Variants in IFT140 observed in about 807,000 individuals in gnomAD.
IFT140 encodes the protein intraflagellar transport protein 140 homolog.
Under a neutral mutation model 164.6 loss-of-function variants are expected in IFT140, and 133 were observed. That is an observed-to-expected ratio of 0.81 (90% CI 0.70 to 0.93). The LOEUF is 0.93. Ranked by LOEUF, IFT140 falls within the 40% of genes least tolerant of loss-of-function variation. The pLI, the probability that IFT140 is intolerant of heterozygous loss-of-function variation, is 0.00. For synonymous variants in IFT140, 860 were observed against 817.3 expected, an observed-to-expected ratio of 1.05 and a Z score of -0.89; for missense variants, 2,045 against 1,972.3, an observed-to-expected ratio of 1.04 and a Z score of -0.70.
At chr16:1,536,283 G>A (rs543852482) in intron 19 of IFT140, among the ~76,000 whole-genome samples, 36 of 152,242 alleles carry the variant, frequency 2.4e-4, no homozygotes, top group Admixed American at 6.5e-4. Context: ...CCTCTGGCAC[G>A]ACCTATGCAT....
At chr16:1,578,525 C>T (rs1028372904) in intron 13 of IFT140, among the ~76,000 whole-genome samples, 4 of 151,012 alleles carry the variant, frequency 2.6e-5, no homozygotes, top group African/African-American at 7.3e-5. Flanking sequence ...AGGACAATCA[C>T]TGGAGCCAGG....
chr16:1,526,444 C>T (rs1205317470), intron 20 of IFT140, 175 bp downstream of exon 20: 8 of 735,858 alleles, frequency 1.1e-5, no homozygotes, highest in Non-Finnish European at 1.7e-5. Context: ...CGCCTAGCCT[C>T]CACCCACCTC....
At chr16:1,604,428 T>C (rs2035959218) in intron 3 of IFT140, 1 of 152,254 alleles carries the variant, frequency 6.6e-6, no homozygotes, top group Non-Finnish European at 1.5e-5. Flanking sequence ...GCACAGCATG[T>C]GCAGGGCTGG....
Position 1,518,241 on chromosome 16 carries a change from T to C in IFT140, c.4157A>G (p.Tyr1386Cys). The change falls in exon 30 of 31, where the codon TAC (tyrosine) becomes TGC (cysteine). Residue 1386 changes from tyrosine (Y) to cysteine (C), a missense_variant. Transcript: ENST00000426508. ...CGTCTGGTATTCCTCCTTCCGCACG[T>C]AGTGCTCCACCAGGAAGCCATAGAC... ...GDVYGFLVEHYVRKEEYQTAY... is the reference protein window; with the variant it reads ...GDVYGFLVEHCVRKEEYQTAY... 2.5e-6 allele frequency: 4 copies of C among 1,613,988 alleles called. No individual in the cohort carries two copies. The highest frequency in any genetic ancestry group is 3.4e-6 in the Non-Finnish European group (4 of 1,180,002).
At position 1,564,078 on chromosome 16, in the gene IFT140, T is replaced by A; in HGVS notation, c.1986A>T (p.Val662=). ...FWDQSEPRLF[V]CEAVQETPRS... ...GCGGCGTCTCCTGCACGGCTTCGCA[T>A]ACAAACAGCCGGGGCTCACTCTGGT... The change falls in exon 17 of 31, where the codon GTA becomes GTT. Residue 662 remains valine (V), a synonymous_variant. Coordinates refer to ENST00000426508, the MANE Select transcript of IFT140 (RefSeq NM_014714.4). The surrounding 1 kb of genome is among the most constrained non-coding windows in gnomAD (Gnocchi z 5.5). 6.2e-7 allele frequency: 1 copy of A among 1,604,946 alleles called. No homozygotes were observed. Among genetic ancestry groups the A allele is most frequent in the Non-Finnish European group, 8.5e-7 (1 of 1,172,912 alleles).
intron 30 of IFT140, among the ~76,000 whole-genome samples, chr16:1,517,783 G>A (rs1028524773): frequency 3.3e-5 from 5 of 152,166 alleles, no homozygotes; most frequent in African/African-American, 9.7e-5. Flanking sequence ...GCTTTCCTGC[G>A]ACACTGCTAG....
At chr16:1,542,906 G>A (rs947434764) in intron 19 of IFT140, among the ~76,000 whole-genome samples, 4 of 152,254 alleles carry the variant, frequency 2.6e-5, no homozygotes, top group Admixed American at 6.5e-5. Context: ...CATAGAGGGT[G>A]ACAGTGATGG....
intron 2 of IFT140, among the ~76,000 whole-genome samples, chr16:1,607,667 C>G (rs966664900): frequency 8.5e-5 from 13 of 152,120 alleles, no homozygotes; most frequent in Admixed American, 1.3e-4. Flanking sequence ...CTTTTTAGAC[C>G]AAGTCTTGCT....
intron 30 of IFT140, chr16:1,514,125 T>C (rs1230511058): frequency 2.0e-5 from 3 of 150,844 alleles, no homozygotes; most frequent in African/African-American, 7.3e-5. Flanking sequence ...TCCCAGCACT[T>C]TGGGAGGCCA....
chr16:1,580,025 C>G (rs1423231498), intron 13 of IFT140, among the ~76,000 whole-genome samples: 1 of 151,440 alleles, frequency 6.6e-6, no homozygotes. Context: ...AAGACACATG[C>G]GGGAGACAGC....
intron 4 of IFT140, among the ~76,000 whole-genome samples, chr16:1,599,842 C>T (rs1420792793): frequency 3.2e-5 from 3 of 93,524 alleles, no homozygotes; most frequent in Non-Finnish European, 5.9e-5. Context: ...GGGTCAGCCC[C>T]CCTGCCCGGC....
rs200563109 is a variant in IFT140, at chr16:1,547,624, C to T, written c.2399+10311G>A. ...CAATCTGGGTTCAATATAAGTTCCG[C>T]CTCCCAGGTTCAAGTGATTCTCCTG... is the stretch of plus-strand genomic sequence containing the variant. On this transcript the variant is annotated intron_variant, in intron 19 of 30. Coordinates refer to ENST00000426508, the MANE Select transcript of IFT140 (RefSeq NM_014714.4). Among the ~76,000 whole-genome samples, 19 of 152,286 alleles carry T rather than the reference C, an allele frequency of 1.2e-4. 1 individual carries two copies. The East Asian group carries it at 3.7e-3, about 29-fold the overall frequency.
rs1329184484 is a variant in IFT140, at chr16:1,531,749, C to T, written c.2400-4953G>A. 1 of 152,318 alleles carries T rather than the reference C, an allele frequency of 6.6e-6. No homozygotes were observed. The highest frequency in any genetic ancestry group is 1.5e-5 in the Non-Finnish European group (1 of 68,082). 9.4% of individuals were successfully genotyped at this position (152,318 alleles called of 1,614,324 possible). On this transcript the variant is annotated intron_variant, in intron 19 of 30. Transcript: ENST00000426508. This position sits in a 1 kb window ranked among gnomAD's most constrained non-coding sequence, Gnocchi z 4.7. ...GAGGGCACAGGGACCTGGAGCACCC[C>T]AGAAGTGCCAGGAGAGTGGAGGCCG...
chr16:1,581,387 G>C (rs1012372154), intron 12 of IFT140, among the ~76,000 whole-genome samples: 2 of 152,088 alleles, frequency 1.3e-5, no homozygotes, highest in Admixed American at 1.3e-4. Flanking sequence ...ATCACATGAG[G>C]TCAGGAGTTT....
At chr16:1,561,898 A>G in intron 18 of IFT140, 87 bp downstream of exon 18, 2 of 1,372,576 alleles carry the variant, frequency 1.5e-6, no homozygotes, top group Non-Finnish European at 1.9e-6. Flanking sequence ...GCTAACTCAC[A>G]TTTCAGCTCC....
intron 19 of IFT140, chr16:1,554,728 G>A (rs1172167854): frequency 2.6e-5 from 41 of 1,598,512 alleles, no homozygotes; most frequent in Non-Finnish European, 3.2e-5. Context: ...TGGGGAAGGA[G>A]TGGAACCCGC....
chr16:1,537,454 G>C (rs2031191278), intron 19 of IFT140, among the ~76,000 whole-genome samples: 1 of 152,248 alleles, frequency 6.6e-6, no homozygotes. Flanking sequence ...CTGAACTCTG[G>C]TCAGGGCAAA....
chr16:1,584,300 G>T lies in IFT140; in HGVS notation c.1276C>A (p.Leu426Met). Reference protein sequence around the residue: ...QVAAMQVSPSLLNVCFLSTGV... With the variant: ...QVAAMQVSPSMLNVCFLSTGV... ...GTGGACAGGAAGCACACATTCAGCAGACTCGGGGAGACCTGCATGGCGGCC... is the reference window on the plus strand; with the variant it reads ...GTGGACAGGAAGCACACATTCAGCATACTCGGGGAGACCTGCATGGCGGCC... Residue 426 changes from leucine (L) to methionine (M), a missense_variant, in exon 11 of 31, where the codon CTG (leucine) becomes ATG (methionine). Coordinates refer to ENST00000426508, the MANE Select transcript of IFT140 (RefSeq NM_014714.4). 1 of 1,613,860 alleles carries T rather than the reference G, an allele frequency of 6.2e-7. No individual in the cohort carries two copies. Among genetic ancestry groups the T allele is most frequent in the South Asian group, 1.1e-5 (1 of 91,050 alleles).
In IFT140 at chr16:1,513,418, T is replaced by C. The variant is rs113118557; in HGVS notation, c.4183-2268A>G. On this transcript the variant is annotated intron_variant, in intron 30 of 30. Coordinates refer to ENST00000426508, the MANE Select transcript of IFT140 (RefSeq NM_014714.4). ...TGGGAGGCTGAGGCAGGACAATTGC[T>C]TGAGCCCAGGAGGCGGAGGTTGCAG... Among the ~76,000 whole-genome samples the C allele has an allele frequency of 6.2e-3, 936 of 152,082 alleles. 10 individuals carry two copies. Among genetic ancestry groups the C allele is most frequent in the African/African-American group, 0.022 (902 of 41,538 alleles).
Sources: allele counts gnomAD v4.1 joint callset (sites outside exome capture counted in the v4.1 genomes callset), GRCh38; gene constraint gnomAD v4.1.1; non-coding constraint Gnocchi (gnomAD v3.1); transcripts MANE v1.5; gene names NCBI Gene and HGNC (gene_info 2026-07-23, HGNC 2026-07-21).